Variants in NDUFA10 observed in about 807,000 individuals in gnomAD.
NDUFA10 encodes the protein NADH:ubiquinone oxidoreductase subunit A10.
Under a neutral mutation model 47.8 loss-of-function variants are expected in NDUFA10, and 40 were observed. The ratio of observed to expected loss-of-function variants is 0.84; its 90% CI spans 0.65 to 1.09. The LOEUF (loss-of-function observed/expected upper bound fraction) is 1.09. Among genes scored for constraint, NDUFA10 ranks in the 50% least tolerant of loss-of-function variants. NDUFA10 has a pLI of 0.00. For missense variants in NDUFA10, 413 were observed against 451.1 expected (o/e 0.92, Z 0.76); for synonymous variants, 183 against 172.2 (o/e 1.06, Z -0.49).
intron 8 of NDUFA10, among the ~76,000 whole-genome samples, chr2:239,998,145 T>C (rs1696554537): frequency 6.6e-6 from 1 of 152,238 alleles, no homozygotes; most frequent in South Asian, 2.1e-4. Context: ...TTTGATTCTA[T>C]ATTCAACCTT....
intron 9 of NDUFA10, among the ~76,000 whole-genome samples, chr2:239,985,198 C>T (rs913005229): frequency 6.6e-6 from 1 of 152,216 alleles, no homozygotes; most frequent in African/African-American, 2.4e-5. Flanking sequence ...GACCAGACCA[C>T]TCACACAGGC....
chr2:239,961,031 G>A lies in NDUFA10; in HGVS notation c.*87C>T, dbSNP rs146009897. The A allele has an allele frequency of 3.1e-5, 49 of 1,597,846 alleles. No individual in the cohort carries two copies. The East Asian group carries it at 4.8e-4, about 16-fold the overall frequency. On this transcript the variant is annotated 3_prime_UTR_variant, in exon 10 of 10. Coordinates refer to ENST00000252711, the MANE Select transcript of NDUFA10 (RefSeq NM_004544.4). Reference sequence around the variant, plus strand: ...ATTTTTGCATTATTTACCCTCCCCCGATCTTAAAGCTATATGGCGTCCAGG... The same window carrying A: ...ATTTTTGCATTATTTACCCTCCCCCAATCTTAAAGCTATATGGCGTCCAGG...
intron 9 of NDUFA10, chr2:239,982,137 T>A (rs2106429613): frequency 6.2e-7 from 1 of 1,612,810 alleles, no homozygotes; most frequent in Non-Finnish European, 8.5e-7. Context: ...GAGAAGGTCT[T>A]CCCACCTCCA....
chr2:239,998,627 A>G (rs1286544645), intron 8 of NDUFA10, among the ~76,000 whole-genome samples: 1 of 152,184 alleles, frequency 6.6e-6, no homozygotes, highest in African/African-American at 2.4e-5. Flanking sequence ...GTTATGGAGA[A>G]CACCTGCCTT....
At chr2:239,971,749 C>G (rs578241081) in intron 9 of NDUFA10, among the ~76,000 whole-genome samples, 1 of 152,316 alleles carries the variant, frequency 6.6e-6, no homozygotes, top group East Asian at 1.9e-4. Context: ...TTTCCCACTA[C>G]AGCATGTAAA....
chr2:240,014,716 C>A (rs757080099), intron 5 of NDUFA10, 23 bp downstream of exon 5: 1 of 1,614,104 alleles, frequency 6.2e-7, no homozygotes, highest in East Asian at 2.2e-5. Flanking sequence ...AGATGCTTGG[C>A]CTTTGATTGA....
chr2:240,021,527 C>T (rs1259298270), intron 2 of NDUFA10, 115 bp from the exon 3 acceptor site: 7 of 911,682 alleles, frequency 7.7e-6, no homozygotes, highest in Non-Finnish European at 1.0e-5. Context: ...AGGGATGGAG[C>T]CAATGACCTA....
chr2:239,920,889 A>C (rs561776351), intron 4 of NDUFA10, among the ~76,000 whole-genome samples: 3 of 152,058 alleles, frequency 2.0e-5, no homozygotes, highest in African/African-American at 7.2e-5. Context: ...TGCCCCCTTT[A>C]ATCTTTGGGC....
At chr2:239,904,589 C>A (rs1473943581) in intron 4 of NDUFA10, among the ~76,000 whole-genome samples, 1 of 152,226 alleles carries the variant, frequency 6.6e-6, no homozygotes, top group Non-Finnish European at 1.5e-5. Flanking sequence ...GCCACCATGC[C>A]CAGCCCCTGC....
At chr2:239,964,224 TG>T (rs1694970803) in intron 9 of NDUFA10, among the ~76,000 whole-genome samples, 2 of 152,228 alleles carry the variant, frequency 1.3e-5, no homozygotes, top group Non-Finnish European at 2.9e-5. Flanking sequence ...GGAGATCATC[TG>T]GGTTATCTGG....
intron 8 of NDUFA10, among the ~76,000 whole-genome samples, chr2:239,997,792 T>C (rs962857030): frequency 6.6e-6 from 1 of 152,250 alleles, no homozygotes; most frequent in African/African-American, 2.4e-5. Context: ...GAGAGCTATA[T>C]ACAGTTTCCA....
In NDUFA10 at chr2:239,945,035, C is replaced by T. The variant is rs1466431778; in HGVS notation, c.294+45039G>A. On this transcript the variant is annotated intron_variant, in intron 4 of 5. Coordinates refer to the NDUFA10 transcript ENST00000419408. The surrounding 1 kb of genome is among the most constrained non-coding windows in gnomAD (Gnocchi z 4.6). ...AGGCTGCTTCTTTATTGCAAGGTGC[C>T]TCCCCGAGACAGAATTCCATGGTTT... Among the ~76,000 whole-genome samples the T allele has an allele frequency of 2.6e-5, 4 of 152,108 alleles. No individual in the cohort carries two copies. The South Asian group carries it at 6.2e-4, about 24-fold the overall frequency.
intron 4 of NDUFA10, among the ~76,000 whole-genome samples, chr2:239,907,196 G>C (rs1693669527): frequency 1.3e-5 from 2 of 152,290 alleles, no homozygotes; most frequent in Admixed American, 6.5e-5. Context: ...TGGGAAAACT[G>C]GCTAGCCATA....
At chr2:239,911,152 T>G (rs1574771952) in intron 4 of NDUFA10, among the ~76,000 whole-genome samples, 1 of 152,208 alleles carries the variant, frequency 6.6e-6, no homozygotes, top group African/African-American at 2.4e-5. Context: ...GGGTTCTATG[T>G]GTCCTCCAGT....
chr2:239,938,814 G>A (rs145764621), intron 4 of NDUFA10, among the ~76,000 whole-genome samples: 1,930 of 152,304 alleles, frequency 0.013, 39 homozygotes, highest in South Asian at 0.044. Flanking sequence ...AGAAGACGGC[G>A]CAGCGAATGC....
chr2:239,960,697 G>C lies in NDUFA10; in HGVS notation c.*421C>G. On this transcript the variant is annotated 3_prime_UTR_variant, in exon 10 of 10. Transcript: ENST00000252711. ...AGAGCAGCGTGTGTGCACGTGTGCA[G>C]TTTCGACGTGCCCGCACGCACATAG... The C allele has an allele frequency of 8.6e-7, 1 of 1,161,768 alleles. No individual in the cohort carries two copies. The allele number at this position is 1,161,768 out of a possible 1,614,324, so 72.0% of individuals were successfully genotyped here. A position where few individuals can be genotyped will look rare whatever the true frequency, so the allele number is the denominator to read the frequency against.
rs1694781072 is a variant in NDUFA10 at position 239,959,932 on chromosome 2, G to A, written c.*1186C>T. ...TGCTCCGCAGCAGCGAGGCCTGGTA[G>A]AGCTTCCGCGGGGAGCAGAGCATCG... On this transcript the variant is annotated 3_prime_UTR_variant, in exon 10 of 10. Transcript: ENST00000252711. The A allele has an allele frequency of 1.2e-5, 12 of 985,390 alleles. No individual in the cohort carries two copies. Among genetic ancestry groups the A allele is most frequent in the Non-Finnish European group, 1.4e-5 (12 of 829,958 alleles). 61.0% of individuals were successfully genotyped at this position (985,390 alleles called of 1,614,324 possible). A position where few individuals can be genotyped will look rare whatever the true frequency, so the allele number is the denominator to read the frequency against.
chr2:239,967,391 A>G (rs926964088), intron 9 of NDUFA10, among the ~76,000 whole-genome samples: 2 of 152,162 alleles, frequency 1.3e-5, no homozygotes, highest in African/African-American at 4.8e-5. Flanking sequence ...TGGCCCATGC[A>G]TTTACACACT....
In NDUFA10 at chr2:239,969,786, C is replaced by T. The variant is rs1191345897; in HGVS notation, c.1000-8600G>A. On this transcript the variant is annotated intron_variant, in intron 9 of 9. Transcript: ENST00000252711. Reference sequence around the variant, plus strand: ...ACCTAAACCAACACAATGCAATTAACAGCATATCATACACCCACAGAAGAT... The same window carrying T: ...ACCTAAACCAACACAATGCAATTAATAGCATATCATACACCCACAGAAGAT... The T allele has an allele frequency of 6.4e-6, 3 of 471,250 alleles. No homozygotes were observed. In the Admixed American group the frequency reaches 7.0e-5, roughly 11 times the overall value. 29.2% of individuals were successfully genotyped at this position (471,250 alleles called of 1,614,324 possible).
Sources: gnomAD v4.1 joint callset for allele counts (sites outside exome capture counted in the v4.1 genomes callset) on GRCh38, gnomAD v4.1.1 for gene constraint, Gnocchi (gnomAD v3.1) non-coding constraint, MANE v1.5 for transcripts, NCBI Gene and HGNC (gene_info 2026-07-23, HGNC 2026-07-21) for gene names.